Variants in DLG2 observed in about 807,000 individuals in gnomAD.
DLG2 encodes the protein disks large homolog 2.
In DLG2, 45 loss-of-function variants were observed where a neutral mutation model predicts 132.5. The observed-to-expected ratio is 0.34, with a 90% CI of 0.27 to 0.44. The LOEUF (loss-of-function observed/expected upper bound fraction) is 0.44. Among genes scored for constraint, DLG2 ranks in the 20% least tolerant of loss-of-function variants. The pLI is 1.00. For synonymous variants in DLG2, 424 were observed against 419.6 expected (o/e 1.01, Z -0.13); for missense variants, 1,045 against 1,196.9 (o/e 0.87, Z 1.87).
intron 18 of DLG2, among the ~76,000 whole-genome samples, chr11:83,759,574 T>C: frequency 6.6e-6 from 1 of 152,154 alleles, no homozygotes; most frequent in Admixed American, 6.5e-5. Flanking sequence ...CCTCCCTGCA[T>C]TCATTGTTCA....
At chr11:83,731,162 C>T (rs2090941367) in intron 18 of DLG2, among the ~76,000 whole-genome samples, 2 of 152,164 alleles carry the variant, frequency 1.3e-5, no homozygotes, top group South Asian at 4.1e-4. Context: ...GAAACAAGTG[C>T]AGAATGTGAA....
At chr11:83,773,941 T>C (rs2094491018) in intron 18 of DLG2, among the ~76,000 whole-genome samples, 1 of 152,224 alleles carries the variant, frequency 6.6e-6, no homozygotes, top group Non-Finnish European at 1.5e-5. Context: ...AGAGCATTTC[T>C]TGCCTTCTGA....
intron 15 of DLG2, among the ~76,000 whole-genome samples, chr11:83,886,579 A>T (rs1348786102): frequency 6.6e-6 from 1 of 152,100 alleles, no homozygotes; most frequent in Non-Finnish European, 1.5e-5. Context: ...AATTGAACTC[A>T]GCTCTGCACC....
intron 3 of DLG2, among the ~76,000 whole-genome samples, chr11:85,514,380 G>C (rs992963886): frequency 6.6e-6 from 1 of 151,994 alleles, no homozygotes; most frequent in Non-Finnish European, 1.5e-5. Flanking sequence ...CAATATCTGT[G>C]AATGAAATCA....
At chr11:84,643,580 G>C (rs149857981) in intron 6 of DLG2, among the ~76,000 whole-genome samples, 3 of 152,120 alleles carry the variant, frequency 2.0e-5, no homozygotes, top group Non-Finnish European at 4.4e-5. Flanking sequence ...TGGAAGGATG[G>C]TTCTCTTAAA....
chr11:85,312,683 C>T (rs2080391339), intron 3 of DLG2, among the ~76,000 whole-genome samples: 1 of 151,870 alleles, frequency 6.6e-6, no homozygotes, highest in Admixed American at 6.6e-5. Context: ...TACTTTCACT[C>T]ACCTAGGAGC....
chr11:84,955,441 G>T (rs929526311), intron 6 of DLG2: 1 of 152,090 alleles, frequency 6.6e-6, no homozygotes, highest in Non-Finnish European at 1.5e-5. Flanking sequence ...CAGAATTTGT[G>T]CTCTTAATCA....
Position 84,875,841 on chromosome 11 carries a change from G to A in DLG2, c.357+235820C>T, listed in dbSNP as rs1022144061. Among the ~76,000 whole-genome samples the A allele has an allele frequency of 2.9e-4, 44 of 152,018 alleles. 1 individual carries two copies. The highest frequency in any genetic ancestry group is 7.4e-5 in the Non-Finnish European group (5 of 68,006). ...AAATCTCCACCTCCCAGGTTCAAGC[G>A]ATTCTTCTGCCTCAGCCTCCTGAGT... On this transcript the variant is annotated intron_variant, in intron 6 of 27. Coordinates refer to ENST00000376104, the MANE Select transcript of DLG2 (RefSeq NM_001142699.3).
chr11:84,842,910 T>C lies in DLG2; in HGVS notation c.357+268751A>G, dbSNP rs763834391. On this transcript the variant is annotated intron_variant, in intron 6 of 27. Transcript: ENST00000376104. Reference sequence around the variant, plus strand: ...CAAACCCCAACACACACAGCAAAAATTGGCCGAGTTATGTAAGTGGCAAGG... The same window carrying C: ...CAAACCCCAACACACACAGCAAAAACTGGCCGAGTTATGTAAGTGGCAAGG... Among the ~76,000 whole-genome samples the C allele has an allele frequency of 7.2e-5, 11 of 152,004 alleles. 1 individual carries two copies. The highest frequency in any genetic ancestry group is 1.3e-4 in the Non-Finnish European group (9 of 67,932).
chr11:83,874,354 G>T, intron 16 of DLG2, 66 bp downstream of exon 16: 1 of 1,128,092 alleles, frequency 8.9e-7, no homozygotes, highest in Non-Finnish European at 1.2e-6. Flanking sequence ...ACAGAGACAG[G>T]GAGAGAAAGG....
intron 14 of DLG2, among the ~76,000 whole-genome samples, chr11:83,961,116 T>C (rs954389051): frequency 6.6e-6 from 1 of 152,164 alleles, no homozygotes; most frequent in East Asian, 1.9e-4. Context: ...TGAGTACTTA[T>C]AATGTGCCAG....
chr11:84,017,379 G>A (rs1326297257), intron 11 of DLG2, among the ~76,000 whole-genome samples: 1 of 152,088 alleles, frequency 6.6e-6, no homozygotes, highest in East Asian at 1.9e-4. Flanking sequence ...AATTAAATCA[G>A]TCACAATTGG....
chr11:84,524,658 G>A (rs2099314595), intron 7 of DLG2, among the ~76,000 whole-genome samples: 1 of 152,026 alleles, frequency 6.6e-6, no homozygotes, highest in South Asian at 2.1e-4. Flanking sequence ...ACCATCTAGT[G>A]GCAAGAGATA....
intron 6 of DLG2, among the ~76,000 whole-genome samples, chr11:84,876,782 T>A (rs1165640922): frequency 6.6e-6 from 1 of 152,102 alleles, no homozygotes; most frequent in Non-Finnish European, 1.5e-5. Flanking sequence ...GGTAGGGTGT[T>A]GAATTTAGAT....
chr11:85,432,075 G>A (rs1168958763), intron 3 of DLG2, among the ~76,000 whole-genome samples: 6 of 152,280 alleles, frequency 3.9e-5, no homozygotes, highest in African/African-American at 1.4e-4. Context: ...CAGCCCTACC[G>A]AAGAGGAACC....
chr11:83,581,510 C>G (rs1197787486), intron 19 of DLG2, among the ~76,000 whole-genome samples: 1 of 152,068 alleles, frequency 6.6e-6, no homozygotes, highest in Non-Finnish European at 1.5e-5. Context: ...TACATTCTTG[C>G]AAGAAGACAT....
At chr11:85,144,581 T>C (rs964184401) in intron 5 of DLG2, among the ~76,000 whole-genome samples, 1 of 151,916 alleles carries the variant, frequency 6.6e-6, no homozygotes, top group Non-Finnish European at 1.5e-5. Context: ...TTTCTGTGTA[T>C]CTGTTGTGGG....
intron 6 of DLG2, among the ~76,000 whole-genome samples, chr11:84,809,537 C>A (rs1411133003): frequency 6.6e-6 from 1 of 151,500 alleles, no homozygotes; most frequent in African/African-American, 2.4e-5. Context: ...AATGAACCTA[C>A]AAAGAAAAAA....
intron 6 of DLG2, among the ~76,000 whole-genome samples, chr11:84,656,827 A>G (rs1383716763): frequency 1.3e-5 from 2 of 152,164 alleles, no homozygotes; most frequent in African/African-American, 4.8e-5. Context: ...AATGCATTTA[A>G]AATACCTGGA....
Sources: gnomAD v4.1 joint callset for allele counts (sites outside exome capture counted in the v4.1 genomes callset) on GRCh38, gnomAD v4.1.1 for gene constraint, MANE v1.5 for transcripts, NCBI Gene and HGNC (gene_info 2026-07-23, HGNC 2026-07-21) for gene names.